RDH12: variants seen among roughly 807,000 people sequenced by gnomAD.
The protein encoded by RDH12 is all-trans and 9-cis retinol dehydrogenase.
Under a neutral mutation model 34.0 loss-of-function variants are expected in RDH12, and 21 were observed. That is an observed-to-expected ratio of 0.62 (90% confidence interval 0.44 to 0.89). The LOEUF (loss-of-function observed/expected upper bound fraction) is 0.89. Among genes scored for constraint, RDH12 ranks in the 40% least tolerant of loss-of-function variants. The probability of loss-of-function intolerance (pLI) is 0.00; values close to 1 mark genes in which losing one functional copy is unlikely to be tolerated. For missense variants in RDH12, 394 were observed against 398.6 expected (o/e 0.99, Z 0.10); for synonymous variants, 198 against 169.9 (o/e 1.17, Z -1.29).
chr14:67,712,064 C>T (rs1356946508), intron 1 of RDH12, among the ~76,000 whole-genome samples: 1 of 152,144 alleles, frequency 6.6e-6, no homozygotes, highest in Non-Finnish European at 1.5e-5. Context: ...GGATTACAGA[C>T]ATGTGCCACC....
At chr14:67,723,696 C>A (rs1594864654) in intron 3 of RDH12, among the ~76,000 whole-genome samples, 1 of 152,294 alleles carries the variant, frequency 6.6e-6, no homozygotes, top group East Asian at 1.9e-4. Context: ...GGAAATAATA[C>A]TGGAGAAGTT....
rs919405438 is a variant in RDH12 at position 67,722,767 on chromosome 14, G to A, written c.68+57G>A. 8 of 1,376,312 alleles carry A rather than the reference G, an allele frequency of 5.8e-6. No individual in the cohort carries two copies. The African/African-American group carries it at 7.1e-5, about 12-fold the overall frequency. The allele number at this position is 1,376,312 out of a possible 1,614,324, so 85.3% of individuals were successfully genotyped here. A position where few individuals can be genotyped will look rare whatever the true frequency, so the allele number is the denominator to read the frequency against. On this transcript the variant is annotated intron_variant, in intron 3 of 8. Transcript: ENST00000551171. Reference sequence around the variant, plus strand: ...TTTACAAAGACCTGCACTGGAAGCCGGTTCTCAGCTGCTGAAAGAAGAGAA... The same window carrying A: ...TTTACAAAGACCTGCACTGGAAGCCAGTTCTCAGCTGCTGAAAGAAGAGAA...
rs747732827 is a variant in RDH12 at position 67,727,182 on chromosome 14, G to A, written c.650G>A (p.Arg217Lys). 3.1e-6 allele frequency: 5 copies of A among 1,612,564 alleles called. No individual in the cohort carries two copies. The highest frequency in any genetic ancestry group is 3.4e-6 in the Non-Finnish European group (4 of 1,179,422). The stretch of plus-strand genomic sequence containing the variant: ...CTTTTTACTCGTGAGCTGGCCAAGA[G>A]GCTCCAAGGTAAGTCTGGAGAAAGA... ...NVLFTRELAK[R>K]LQGTGVTTYA... Residue 217 changes from arginine (R) to lysine (K), a missense_variant, in exon 7 of 9, where the codon AGG becomes AAG. By Grantham distance (26) the Arg-to-Lys change is conservative. Transcript: ENST00000551171.
At chr14:67,726,905 A>T in intron 6 of RDH12, 76 bp from the exon 7 acceptor site, 2 of 1,308,566 alleles carry the variant, frequency 1.5e-6, no homozygotes, top group South Asian at 1.2e-5. Context: ...GCTAACACTG[A>T]AGTCCTCTTG....
chr14:67,703,643 T>A (rs907291426), intron 1 of RDH12, among the ~76,000 whole-genome samples: 21 of 152,198 alleles, frequency 1.4e-4, no homozygotes, highest in East Asian at 1.2e-3. Flanking sequence ...GGCCATAATA[T>A]GTATCTAGCT....
intron 2 of RDH12, among the ~76,000 whole-genome samples, chr14:67,721,687 G>A (rs1179782790): frequency 2.0e-5 from 3 of 151,772 alleles, no homozygotes; most frequent in Admixed American, 6.6e-5. Context: ...TTTAGCATAT[G>A]CCAGTTTCGT....
At chr14:67,713,334 C>T (rs996511388) in intron 1 of RDH12, among the ~76,000 whole-genome samples, 2 of 136,874 alleles carry the variant, frequency 1.5e-5, no homozygotes, top group African/African-American at 5.5e-5. Context: ...AAAGGAGTTA[C>T]CTGCTTTCCA....
chr14:67,713,053 G>T (rs1244468118), intron 1 of RDH12, among the ~76,000 whole-genome samples: 1 of 151,984 alleles, frequency 6.6e-6, no homozygotes, highest in Non-Finnish European at 1.5e-5. Flanking sequence ...ACAGGAAAAA[G>T]ACTGAAACAA....
At chr14:67,715,837 T>A (rs1176666736) in intron 1 of RDH12, among the ~76,000 whole-genome samples, 1 of 152,188 alleles carries the variant, frequency 6.6e-6, no homozygotes, top group Non-Finnish European at 1.5e-5. Context: ...ATGCAAACCT[T>A]GGTTCCATGT....
chr14:67,729,624 A>G (rs2038241382), intron 8 of RDH12: 1 of 622,928 alleles, frequency 1.6e-6, no homozygotes, highest in Admixed American at 2.6e-5. Context: ...AAAACTTTGC[A>G]GCTTTCTGAA....
chr14:67,719,657 T>C (rs1270381503), intron 1 of RDH12, among the ~76,000 whole-genome samples: 1 of 151,962 alleles, frequency 6.6e-6, no homozygotes, highest in Non-Finnish European at 1.5e-5. Flanking sequence ...GTTTTCCTTT[T>C]TGTAGAGACG....
At chr14:67,704,319 A>G (rs947433969) in intron 1 of RDH12, among the ~76,000 whole-genome samples, 2 of 152,200 alleles carry the variant, frequency 1.3e-5, no homozygotes, top group African/African-American at 2.4e-5. Flanking sequence ...ATCGTTTCAC[A>G]TATCTTTTTT....
chr14:67,702,143 T>A (rs944179003), intron 1 of RDH12, among the ~76,000 whole-genome samples: 16 of 151,806 alleles, frequency 1.1e-4, no homozygotes, highest in African/African-American at 1.9e-4. Flanking sequence ...ATATATATAT[T>A]TTTTAAATGG....
chr14:67,708,256 AAGTT>A (rs1420037880), intron 1 of RDH12, among the ~76,000 whole-genome samples: 1 of 152,224 alleles, frequency 6.6e-6, no homozygotes, highest in East Asian at 1.9e-4. Context: ...TTTAAGCAAA[AAGTT>A]AAAAATATTA....
At chr14:67,727,641 C>T (rs2038206930) in intron 7 of RDH12, 1 of 212,818 alleles carries the variant, frequency 4.7e-6, no homozygotes, top group Non-Finnish European at 9.5e-6. Flanking sequence ...CAATATCACG[C>T]CTGGCTAATT....
At chr14:67,727,414 C>T (rs181375057) in intron 7 of RDH12, 12 of 518,498 alleles carry the variant, frequency 2.3e-5, no homozygotes, top group African/African-American at 2.3e-4. Flanking sequence ...ATTTGTGTCA[C>T]ATCTTATCTC....
chr14:67,721,792 A>T (rs995441838), intron 2 of RDH12, among the ~76,000 whole-genome samples: 2 of 150,706 alleles, frequency 1.3e-5, no homozygotes, highest in Non-Finnish European at 3.0e-5. Context: ...ATAAAACCAT[A>T]TATTATATAT....
At chr14:67,729,938 A>G in intron 8 of RDH12, 1 of 405,116 alleles carries the variant, frequency 2.5e-6, no homozygotes, top group Middle Eastern at 4.5e-4. Context: ...TCCATGACAG[A>G]ATCCAGCCCT....
At chr14:67,717,531 A>AGTAAAACATTACTG (rs1189659888) in intron 1 of RDH12, among the ~76,000 whole-genome samples, 1 of 152,218 alleles carries the variant, frequency 6.6e-6, no homozygotes, top group Non-Finnish European at 1.5e-5. Context: ...CTGTCCTCTA[A>AGTAAAACATTACTG]TCCTTTTCAA....
Sources: gnomAD v4.1 joint callset for allele counts (sites outside exome capture counted in the v4.1 genomes callset) on GRCh38, gnomAD v4.1.1 for gene constraint, MANE v1.5 for transcripts, NCBI Gene and HGNC (gene_info 2026-07-23, HGNC 2026-07-21) for gene names.